DGKB: variants seen among roughly 807,000 people sequenced by gnomAD.
DGKB encodes the protein 90 kDa diacylglycerol kinase.
In DGKB, 67 loss-of-function variants were observed where a neutral mutation model predicts 114.3. That is an observed-to-expected ratio of 0.59 (90% CI 0.48 to 0.72). The LOEUF (loss-of-function observed/expected upper bound fraction) is 0.72, where lower values mean the gene tolerates loss of function less well. Ranked by LOEUF, DGKB falls within the 30% of genes least tolerant of loss-of-function variation. DGKB has a pLI of 0.00. For missense variants in DGKB, 907 were observed against 975.2 expected, an observed-to-expected ratio of 0.93 and a Z score of 0.93; for synonymous variants, 398 against 323.1, an observed-to-expected ratio of 1.23 and a Z score of -2.49.
chr7:14,808,085 G>A (rs1442388183), intron 2 of DGKB, among the ~76,000 whole-genome samples: 3 of 151,940 alleles, frequency 2.0e-5, no homozygotes, highest in Non-Finnish European at 4.4e-5. Context: ...ATCTTCAATT[G>A]TCATAAGAAT....
intron 21 of DGKB, among the ~76,000 whole-genome samples, chr7:14,398,365 A>G (rs960790091): frequency 1.3e-5 from 2 of 152,104 alleles, no homozygotes; most frequent in Non-Finnish European, 2.9e-5. Flanking sequence ...TATAATGAAC[A>G]TCAGTAGGAT....
At chr7:14,390,888 GTTA>G (rs1193392917) in intron 21 of DGKB, among the ~76,000 whole-genome samples, 1 of 152,176 alleles carries the variant, frequency 6.6e-6, no homozygotes, top group Admixed American at 6.5e-5. Context: ...AGGAATGAAA[GTTA>G]TTATATTAAT....
At chr7:14,427,571 T>C (rs1390888892) in intron 21 of DGKB, among the ~76,000 whole-genome samples, 1 of 152,148 alleles carries the variant, frequency 6.6e-6, no homozygotes, top group Non-Finnish European at 1.5e-5. Context: ...GAGACATATC[T>C]GAGACAGGGT....
chr7:14,214,508 T>C (rs542166154), intron 23 of DGKB, among the ~76,000 whole-genome samples: 1 of 152,224 alleles, frequency 6.6e-6, no homozygotes, highest in Admixed American at 6.6e-5. Flanking sequence ...AAATATTATA[T>C]GGTACTTATT....
In DGKB at chr7:14,348,029, G is replaced by GA. The variant is rs1456697920; in HGVS notation, c.1836-2639dup. Among the ~76,000 whole-genome samples the GA allele has an allele frequency of 6.6e-5, 10 of 152,004 alleles. No homozygotes were observed. The East Asian group carries it at 1.9e-3, about 29-fold the overall frequency. ...TGTGCCCATTACAGTTTCCCCCAATGAAAATATCTTGCAAACTGTAGTACA... is the reference window on the plus strand; with the variant it reads ...TGTGCCCATTACAGTTTCCCCCAATGAAAAATATCTTGCAAACTGTAGTACA... On this transcript the variant is annotated intron_variant, in intron 21 of 25. Transcript: ENST00000402815.
intron 25 of DGKB, among the ~76,000 whole-genome samples, chr7:14,173,239 T>C (rs1035702017): frequency 2.0e-5 from 3 of 152,238 alleles, no homozygotes; most frequent in Non-Finnish European, 4.4e-5. Flanking sequence ...CTAAGCTCTT[T>C]GGTTTTTTCT....
intron 4 of DGKB, among the ~76,000 whole-genome samples, chr7:14,753,636 T>C (rs534509021): frequency 5.4e-4 from 82 of 152,304 alleles, no homozygotes; most frequent in African/African-American, 1.9e-3. Context: ...CTTATATATC[T>C]TCATGAAATT....
intron 12 of DGKB, among the ~76,000 whole-genome samples, chr7:14,675,562 G>C (rs1417707967): frequency 2.0e-5 from 3 of 151,728 alleles, no homozygotes; most frequent in Non-Finnish European, 2.9e-5. Context: ...CAGAGCATAG[G>C]TACTGACAGT....
chr7:14,438,257 T>C (rs1829571117), intron 21 of DGKB, among the ~76,000 whole-genome samples: 1 of 152,154 alleles, frequency 6.6e-6, no homozygotes, highest in Non-Finnish European at 1.5e-5. Context: ...TCAGGTTCTA[T>C]ATTGTTACTG....
At chr7:14,958,607 T>C (rs1452381684) in intron 1 of DGKB, among the ~76,000 whole-genome samples, 1 of 152,116 alleles carries the variant, frequency 6.6e-6, no homozygotes, top group African/African-American at 2.4e-5. Flanking sequence ...CATTTCCTTT[T>C]CTTAAAGTAA....
intron 6 of DGKB, among the ~76,000 whole-genome samples, chr7:14,710,357 C>G (rs1265634189): frequency 6.6e-6 from 1 of 151,822 alleles, no homozygotes; most frequent in Non-Finnish European, 1.5e-5. Context: ...TTATTTCTAC[C>G]TTGTAGGCAT....
intron 20 of DGKB, among the ~76,000 whole-genome samples, chr7:14,493,725 T>C (rs1052246434): frequency 1.3e-5 from 2 of 152,074 alleles, no homozygotes; most frequent in African/African-American, 4.8e-5. Context: ...ATTTAAAACA[T>C]ATAAATTGTT....
intron 22 of DGKB, among the ~76,000 whole-genome samples, chr7:14,339,095 C>T (rs1219811777): frequency 6.6e-6 from 1 of 151,796 alleles, no homozygotes; most frequent in Non-Finnish European, 1.5e-5. Context: ...GATGATTGCC[C>T]CTGTTTAGAA....
chr7:14,765,333 CATA>C (rs1836293547), intron 2 of DGKB, among the ~76,000 whole-genome samples: 1 of 151,912 alleles, frequency 6.6e-6, no homozygotes, highest in Non-Finnish European at 1.5e-5. Flanking sequence ...AGATAATGGG[CATA>C]ATATCTTTGA....
chr7:14,413,730 A>C (rs1477910486), intron 21 of DGKB, among the ~76,000 whole-genome samples: 1 of 152,114 alleles, frequency 6.6e-6, no homozygotes, highest in Non-Finnish European at 1.5e-5. Flanking sequence ...GAAGAAAGAG[A>C]GATGGAAGTC....
chr7:14,863,947 A>G (rs1424578448), intron 1 of DGKB, among the ~76,000 whole-genome samples: 3 of 151,994 alleles, frequency 2.0e-5, no homozygotes, highest in African/African-American at 7.3e-5. Flanking sequence ...TAAAAATACA[A>G]AATTAGCCAG....
intron 23 of DGKB, among the ~76,000 whole-genome samples, chr7:14,246,505 G>A (rs1024479758): frequency 4.6e-5 from 7 of 152,010 alleles, no homozygotes; most frequent in Non-Finnish European, 8.8e-5. Flanking sequence ...TCCATCTTCC[G>A]TGCTGAGAAT....
At chr7:14,613,300 T>A (rs946287720) in intron 16 of DGKB, 40 bp downstream of exon 16, 2 of 1,206,392 alleles carry the variant, frequency 1.7e-6, no homozygotes, top group African/African-American at 1.5e-5. Context: ...TTTTTTTACA[T>A]ATACATGACA....
intron 2 of DGKB, among the ~76,000 whole-genome samples, chr7:14,762,916 G>C (rs1055230945): frequency 5.3e-5 from 8 of 152,050 alleles, no homozygotes; most frequent in Non-Finnish European, 8.8e-5. Context: ...ATAAATCCTT[G>C]TTCCTTTATT....
Sources: gnomAD v4.1 joint callset for allele counts (sites outside exome capture counted in the v4.1 genomes callset) on GRCh38, gnomAD v4.1.1 for gene constraint, MANE v1.5 for transcripts, NCBI Gene and HGNC (gene_info 2026-07-23, HGNC 2026-07-21) for gene names.